COP1: variants seen among roughly 807,000 people sequenced by gnomAD.
COP1 encodes E3 ubiquitin-protein ligase COP1.
In COP1, 24 loss-of-function variants were observed where a neutral mutation model predicts 101.3. That is an observed-to-expected ratio of 0.24 (90% CI 0.17 to 0.33). The LOEUF is 0.33. COP1 is among the 10% of genes least tolerant of loss of function. The pLI, the probability that COP1 is intolerant of heterozygous loss-of-function variation, is 1.00. For synonymous variants in COP1, 347 were observed against 341.9 expected, an observed-to-expected ratio of 1.01 and a Z score of -0.17; for missense variants, 663 against 906.2, an observed-to-expected ratio of 0.73 and a Z score of 3.45.
rs61821000 is a variant in COP1, at chr1:176,089,298, A to G, written c.1027-3408T>C. On this transcript the variant is annotated intron_variant, in intron 9 of 19. Transcript: ENST00000367669. ...ACAGACTGAGACTCTGTCTAAAACA[A>G]TAACAACAACAACAACAACAACAAC... Among the ~76,000 whole-genome samples the G allele has an allele frequency of 2.9e-4, 26 of 90,362 alleles. 1 individual carries two copies. The highest frequency in any genetic ancestry group is 1.9e-3 in the Admixed American group (13 of 6,724). 59.3% of individuals were successfully genotyped at this position (90,362 alleles called of 152,430 possible).
At chr1:176,085,455 C>T (rs866555759) in intron 10 of COP1, among the ~76,000 whole-genome samples, 1 of 152,116 alleles carries the variant, frequency 6.6e-6, no homozygotes, top group Non-Finnish European at 1.5e-5. Context: ...GTGCTTAGAA[C>T]TTCATGTTTA....
chr1:176,041,783 C>G (rs796818942), intron 14 of COP1, among the ~76,000 whole-genome samples: 1 of 151,452 alleles, frequency 6.6e-6, no homozygotes, highest in Admixed American at 6.6e-5. Flanking sequence ...CTGGCCAGCA[C>G]GGTGAAACCC....
chr1:176,026,895 T>C (rs1359380517), intron 15 of COP1, among the ~76,000 whole-genome samples: 1 of 152,028 alleles, frequency 6.6e-6, no homozygotes, highest in Non-Finnish European at 1.5e-5. Context: ...AAATTAAGGG[T>C]AGGGTGACCA....
chr1:176,130,008 A>G lies in COP1; in HGVS notation c.968+5002T>C, dbSNP rs77845902. ...AGCTCTGCTTCCTATTCAATTACACATAATAATAAACTAAATAATATTTAA... is the reference window on the plus strand; with the variant it reads ...AGCTCTGCTTCCTATTCAATTACACGTAATAATAAACTAAATAATATTTAA... On this transcript the variant is annotated intron_variant, in intron 8 of 19. Coordinates refer to ENST00000367669, the MANE Select transcript of COP1 (RefSeq NM_022457.7). 4.4e-3 allele frequency among the ~76,000 whole-genome samples: 668 copies of G among 151,888 alleles called. 5 individuals are homozygous for G. Among genetic ancestry groups the G allele is most frequent in the Middle Eastern group, 6.8e-3 (2 of 294 alleles).
chr1:176,071,291 T>A (rs1474912253), intron 11 of COP1, among the ~76,000 whole-genome samples: 2 of 152,076 alleles, frequency 1.3e-5, no homozygotes, highest in African/African-American at 4.8e-5. Flanking sequence ...CCTTCCACCA[T>A]GATGATGAGG....
At chr1:176,197,856 T>C (rs1699859972) in intron 1 of COP1, among the ~76,000 whole-genome samples, 1 of 152,108 alleles carries the variant, frequency 6.6e-6, no homozygotes, top group Admixed American at 6.5e-5. Flanking sequence ...AAAAAGTGTA[T>C]TTACATACTA....
intron 18 of COP1, among the ~76,000 whole-genome samples, chr1:175,948,915 A>G (rs554880229): frequency 1.3e-5 from 2 of 150,962 alleles, no homozygotes; most frequent in African/African-American, 2.4e-5. Context: ...CTGTAATCCC[A>G]GCACTTTGGG....
At chr1:176,167,570 C>T (rs1558245077) in intron 3 of COP1, among the ~76,000 whole-genome samples, 1 of 152,122 alleles carries the variant, frequency 6.6e-6, no homozygotes, top group South Asian at 2.1e-4. Flanking sequence ...GATACCTAAA[C>T]CTAAGGATGT....
intron 15 of COP1, among the ~76,000 whole-genome samples, chr1:176,009,270 TC>T (rs965685606): frequency 2.7e-4 from 41 of 152,324 alleles, no homozygotes; most frequent in Admixed American, 1.9e-3. Flanking sequence ...ACAGGTATTT[TC>T]CCATGGAGAT....
intron 9 of COP1, among the ~76,000 whole-genome samples, chr1:176,094,121 G>C (rs560965662): frequency 1.3e-5 from 2 of 152,142 alleles, no homozygotes; most frequent in African/African-American, 4.8e-5. Context: ...ATCAGGAACA[G>C]GGCATATAAA....
chr1:175,984,506 G>A (rs761647754), intron 18 of COP1, among the ~76,000 whole-genome samples: 13 of 152,288 alleles, frequency 8.5e-5, no homozygotes, highest in South Asian at 6.2e-4. Context: ...CCTCTGCCAC[G>A]GCAGTACAGA....
intron 11 of COP1, among the ~76,000 whole-genome samples, chr1:176,073,691 TTGTTTA>T (rs1476325602): frequency 6.6e-6 from 1 of 152,218 alleles, no homozygotes; most frequent in Non-Finnish European, 1.5e-5. Flanking sequence ...ACCTTGTCTA[TTGTTTA>T]ATAGTCGAGA....
intron 6 of COP1, among the ~76,000 whole-genome samples, chr1:176,142,769 T>C (rs1365296843): frequency 1.3e-5 from 2 of 151,408 alleles, no homozygotes; most frequent in African/African-American, 4.8e-5. Context: ...TGTTTCTAAA[T>C]AAGCCACAGG....
At chr1:176,034,147 C>G (rs1176263986) in intron 14 of COP1, among the ~76,000 whole-genome samples, 1 of 152,158 alleles carries the variant, frequency 6.6e-6, no homozygotes, top group Non-Finnish European at 1.5e-5. Flanking sequence ...ATTTCCAGGA[C>G]AGAATTCTAA....
chr1:176,163,771 C>T (rs1558237281), intron 4 of COP1, 44 bp downstream of exon 4: 16 of 1,243,462 alleles, frequency 1.3e-5, no homozygotes, highest in Non-Finnish European at 1.7e-5. Flanking sequence ...ATAAAAACAA[C>T]AAAATGAAAT....
At chr1:176,039,143 G>A (rs1670086162) in intron 14 of COP1, among the ~76,000 whole-genome samples, 1 of 152,088 alleles carries the variant, frequency 6.6e-6, no homozygotes, top group Non-Finnish European at 1.5e-5. Flanking sequence ...TTAGATCACA[G>A]TGGAATTAAA....
intron 15 of COP1, among the ~76,000 whole-genome samples, chr1:176,004,818 T>C (rs1195908245): frequency 1.3e-5 from 2 of 151,290 alleles, no homozygotes; most frequent in Admixed American, 1.3e-4. Context: ...ATTCTCTTTT[T>C]TGGTTGTGTC....
Position 176,206,759 on chromosome 1 carries a change from C to G in COP1, c.220G>C (p.Val74Leu). ...ACCGCCCCGCCGCCGCTACCCGATA[C>G]GGCGGGCGCCACCAACACAGGCCGC... ...PVRPVLVAPA[V>L]SGSGGGAVST... The change falls in exon 1 of 20, where the codon GTA (valine) becomes CTA (leucine). Residue 74 changes from valine (V) to leucine (L), a missense_variant. Around this residue, in one of 4 missense-constraint regions of COP1, gnomAD observed 204 missense variants for 203.6 expected, o/e 1.00. Coordinates refer to ENST00000367669, the MANE Select transcript of COP1 (RefSeq NM_022457.7). 20 of 1,515,680 alleles carry G rather than the reference C, an allele frequency of 1.3e-5. No individual in the cohort carries two copies. The highest frequency in any genetic ancestry group is 1.7e-5 in the Non-Finnish European group (19 of 1,138,718). 93.9% of individuals were successfully genotyped at this position (1,515,680 alleles called of 1,614,324 possible).
chr1:176,083,624 C>T (rs1287560842), intron 10 of COP1, among the ~76,000 whole-genome samples: 1 of 152,166 alleles, frequency 6.6e-6, no homozygotes, highest in Non-Finnish European at 1.5e-5. Context: ...TTATAATTAA[C>T]TTCCTCTTTC....
Sources: gnomAD v4.1 joint callset for allele counts (sites outside exome capture counted in the v4.1 genomes callset) on GRCh38, gnomAD v4.1.1 for gene constraint, gnomAD v4.1.1 regional missense constraint, MANE v1.5 for transcripts, NCBI Gene and HGNC (gene_info 2026-07-23, HGNC 2026-07-21) for gene names.